TFDP1: variants seen among roughly 807,000 people sequenced by gnomAD.
The protein encoded by TFDP1 is transcription factor Dp-1.
Under a neutral mutation model 48.0 loss-of-function variants are expected in TFDP1, and 6 were observed. The observed-to-expected ratio is 0.13, with a 90% CI of 0.07 to 0.25. TFDP1 has a LOEUF of 0.25. Ranked by LOEUF, TFDP1 falls within the 10% of genes least tolerant of loss-of-function variation. TFDP1 has a pLI of 1.00. For synonymous variants in TFDP1, 201 were observed against 211.6 expected, an observed-to-expected ratio of 0.95 and a Z score of 0.44; for missense variants, 335 against 543.0, an observed-to-expected ratio of 0.62 and a Z score of 3.81.
At chr13:113,599,148 T>C (rs1165314436) in intron 2 of TFDP1, among the ~76,000 whole-genome samples, 1 of 152,118 alleles carries the variant, frequency 6.6e-6, no homozygotes. Context: ...CTGCTATGTT[T>C]TACTCAACAG....
chr13:113,608,518 G>A (rs1349157853), intron 2 of TFDP1, among the ~76,000 whole-genome samples: 2 of 152,192 alleles, frequency 1.3e-5, no homozygotes, highest in Non-Finnish European at 2.9e-5. Context: ...ACACGGGGCT[G>A]GAGCATGCTG....
chr13:113,628,831 G>A (rs914419428), intron 4 of TFDP1, among the ~76,000 whole-genome samples: 1 of 152,250 alleles, frequency 6.6e-6, no homozygotes, highest in African/African-American at 2.4e-5. Flanking sequence ...CAGGGCTTCA[G>A]TGTGTTGCCG....
At chr13:113,630,493 G>T (rs1485235624) in intron 4 of TFDP1, among the ~76,000 whole-genome samples, 1 of 152,134 alleles carries the variant, frequency 6.6e-6, no homozygotes, top group Non-Finnish European at 1.5e-5. Context: ...GGAGCTGGGG[G>T]GGCCCAGCTT....
At chr13:113,624,112 G>C (rs922041868) in intron 4 of TFDP1, among the ~76,000 whole-genome samples, 1 of 152,070 alleles carries the variant, frequency 6.6e-6, no homozygotes, top group African/African-American at 2.4e-5. Flanking sequence ...CTGTGGCCCC[G>C]CCTGGGCAGC....
In TFDP1 at chr13:113,640,371, T is replaced by C. The variant is rs1159616110; in HGVS notation, c.*104T>C. The stretch of plus-strand genomic sequence containing the variant: ...TCCTTTTGGCCTACTCCCAAGAAGA[T>C]ATTGGTAAGCTATTGAATTTAGATA... On this transcript the variant is annotated 3_prime_UTR_variant, in exon 12 of 12. Coordinates refer to ENST00000375370, the MANE Select transcript of TFDP1 (RefSeq NM_007111.5). 1.3e-6 allele frequency: 2 copies of C among 1,502,582 alleles called. No individual in the cohort carries two copies. Among genetic ancestry groups the C allele is most frequent in the Non-Finnish European group, 8.8e-7 (1 of 1,133,002 alleles). 93.1% of individuals were successfully genotyped at this position (1,502,582 alleles called of 1,614,324 possible).
chr13:113,622,776 A>G (rs1031515606), intron 3 of TFDP1, among the ~76,000 whole-genome samples: 1 of 152,260 alleles, frequency 6.6e-6, no homozygotes, highest in Non-Finnish European at 1.5e-5. Flanking sequence ...AAAGTGGATT[A>G]TCAGATTTCC....
chr13:113,590,871 A>G (rs541310622), intron 2 of TFDP1, among the ~76,000 whole-genome samples: 211 of 152,020 alleles, frequency 1.4e-3, no homozygotes, highest in Non-Finnish European at 2.6e-3. Flanking sequence ...TTAGCCAGGC[A>G]TGGTGGTGGG....
At chr13:113,597,977 C>T (rs1320586023) in intron 2 of TFDP1, among the ~76,000 whole-genome samples, 1 of 152,198 alleles carries the variant, frequency 6.6e-6, no homozygotes, top group Non-Finnish European at 1.5e-5. Flanking sequence ...GCCTCCCCTG[C>T]AGGCTGCTGC....
intron 4 of TFDP1, among the ~76,000 whole-genome samples, chr13:113,628,913 G>C (rs1207362167): frequency 6.6e-6 from 1 of 152,218 alleles, no homozygotes; most frequent in African/African-American, 2.4e-5. Context: ...CATGTCTGTT[G>C]AATGGGAGAC....
At chr13:113,625,772 C>G (rs1205863528) in intron 4 of TFDP1, among the ~76,000 whole-genome samples, 15 of 130,308 alleles carry the variant, frequency 1.2e-4, no homozygotes, top group East Asian at 1.1e-3. Flanking sequence ...CCTCAGGCGT[C>G]TCTCACGTGT....
chr13:113,614,420 C>G (rs1194277662), intron 3 of TFDP1, among the ~76,000 whole-genome samples: 1 of 152,144 alleles, frequency 6.6e-6, no homozygotes, highest in African/African-American at 2.4e-5. Flanking sequence ...TTTTGAGTTG[C>G]CCTCGGCGGT....
At chr13:113,609,528 G>T (rs2048654877) in intron 2 of TFDP1, among the ~76,000 whole-genome samples, 1 of 152,138 alleles carries the variant, frequency 6.6e-6, no homozygotes, top group Non-Finnish European at 1.5e-5. Context: ...TGGGGAAGTG[G>T]AGTTGTGAAG....
intron 2 of TFDP1, among the ~76,000 whole-genome samples, chr13:113,608,967 G>A (rs566590784): frequency 6.6e-6 from 1 of 152,352 alleles, no homozygotes; most frequent in African/African-American, 2.4e-5. Context: ...TGGTGACCAG[G>A]ACATCTAGCG....
In TFDP1 at chr13:113,607,542, C is replaced by T. The variant is rs2048599176; in HGVS notation, c.13-3454C>T. ...GGCCCACGTGTCGTCCTTGTTCTCT[C>T]CTCATTGCTGCCGTCACTGTGTGCT... On this transcript the variant is annotated intron_variant, in intron 2 of 11. Coordinates refer to ENST00000375370, the MANE Select transcript of TFDP1 (RefSeq NM_007111.5). The surrounding 1 kb of genome is among the most constrained non-coding windows in gnomAD (Gnocchi z 5.2). Among the ~76,000 whole-genome samples, 1 of 152,230 alleles carries T rather than the reference C, an allele frequency of 6.6e-6. No individual in the cohort carries two copies. Among genetic ancestry groups the T allele is most frequent in the African/African-American group, 2.4e-5 (1 of 41,464 alleles).
intron 2 of TFDP1, 58 bp from the exon 3 acceptor site, chr13:113,610,938 C>G (rs2048694671): frequency 6.5e-7 from 1 of 1,537,610 alleles, no homozygotes. Context: ...TTTAAACACC[C>G]CTAGTTTCGT....
chr13:113,613,062 G>A (rs181575064), intron 3 of TFDP1, among the ~76,000 whole-genome samples: 1 of 152,302 alleles, frequency 6.6e-6, no homozygotes, highest in Non-Finnish European at 1.5e-5. Context: ...TGTCGCCCAG[G>A]CTGGAGTGCA....
At chr13:113,584,745 C>T (rs2047949685), upstream of TFDP1, 1 of 146,786 alleles carries the variant, frequency 6.8e-6, no homozygotes, top group Non-Finnish European at 1.5e-5. Flanking sequence ...GCCCCGCGTC[C>T]CGGCGCCACT....
At chr13:113,591,009 CAAAAA>C (rs71101595) in intron 2 of TFDP1, among the ~76,000 whole-genome samples, 2 of 59,858 alleles carry the variant, frequency 3.3e-5, no homozygotes, top group African/African-American at 7.0e-5. Flanking sequence ...GACTCTGTCT[CAAAAA>C]AAAAAAAAAA....
intron 3 of TFDP1, among the ~76,000 whole-genome samples, chr13:113,614,026 G>A (rs549942766): frequency 2.5e-4 from 32 of 128,048 alleles, no homozygotes; most frequent in African/African-American, 1.1e-3. Flanking sequence ...AGTTGTGTGC[G>A]TGCGTTTGTG....
Sources: allele counts gnomAD v4.1 joint callset (sites outside exome capture counted in the v4.1 genomes callset), GRCh38; gene constraint gnomAD v4.1.1; non-coding constraint Gnocchi (gnomAD v3.1); transcripts MANE v1.5; gene names NCBI Gene and HGNC (gene_info 2026-07-23, HGNC 2026-07-21).